The following GARIN1A variants were observed in gnomAD, a reference collection of about 807,000 sequenced individuals.
GARIN1A encodes Golgi-associated RAB2 interactor protein 1A.
chr7:128,679,542 A>G, the GARIN1A span, among the ~76,000 whole-genome samples: 3 of 152,132 alleles, frequency 2.0e-5, no homozygotes, highest in African/African-American at 7.2e-5. Flanking sequence ...AAATTTTTAC[A>G]AATATTTCCT....
chr7:128,674,379 A>C, the GARIN1A span, among the ~76,000 whole-genome samples: 2 of 151,966 alleles, frequency 1.3e-5, no homozygotes, highest in African/African-American at 4.8e-5. Context: ...CCGGCTTTGG[A>C]CTCCCAAAGT....
chr7:128,694,691 C>T, the GARIN1A span, among the ~76,000 whole-genome samples: 1 of 152,156 alleles, frequency 6.6e-6, no homozygotes, highest in South Asian at 2.1e-4. Flanking sequence ...AGAATTCAGT[C>T]CACCCAGTCC....
the GARIN1A span, among the ~76,000 whole-genome samples, chr7:128,702,809 T>G: frequency 6.6e-6 from 1 of 152,182 alleles, no homozygotes; most frequent in Non-Finnish European, 1.5e-5. Flanking sequence ...ACAAGAAATC[T>G]TTTTTAAAAA....
the GARIN1A span, chr7:128,691,349 G>A: frequency 1.3e-5 from 2 of 152,348 alleles, no homozygotes; most frequent in African/African-American, 4.8e-5. Flanking sequence ...CAGGAGATCA[G>A]AGAGGATGAG....
the GARIN1A span, among the ~76,000 whole-genome samples, chr7:128,707,216 A>ATGTGTGTG: frequency 1.9e-4 from 9 of 47,428 alleles, no homozygotes; most frequent in East Asian, 5.4e-4. Context: ...TATTGTGTGT[A>ATGTGTGTG]TGTATGTGTG....
the GARIN1A span, among the ~76,000 whole-genome samples, chr7:128,693,169 A>G: frequency 6.6e-6 from 1 of 152,248 alleles, no homozygotes; most frequent in South Asian, 2.1e-4. Context: ...TGAATTTTTA[A>G]ATTATGTCCA....
At chr7:128,681,924 T>C in the GARIN1A span, among the ~76,000 whole-genome samples, 1 of 119,940 alleles carries the variant, frequency 8.3e-6, no homozygotes, top group Non-Finnish European at 1.7e-5. Flanking sequence ...GCAGGGACCA[T>C]GCTCCCCCAG....
the GARIN1A span, among the ~76,000 whole-genome samples, chr7:128,704,737 G>A: frequency 6.6e-6 from 1 of 152,170 alleles, no homozygotes; most frequent in Non-Finnish European, 1.5e-5. Context: ...TGTAAGCAAT[G>A]GGCAGAGGCT....
the GARIN1A span, among the ~76,000 whole-genome samples, chr7:128,696,468 C>T: frequency 2.6e-5 from 4 of 152,174 alleles, no homozygotes; most frequent in African/African-American, 7.2e-5. Context: ...TCTAGTCTTT[C>T]TGTCAACACA....
At chr7:128,706,158 C>G in the GARIN1A span, among the ~76,000 whole-genome samples, 1 of 152,136 alleles carries the variant, frequency 6.6e-6, no homozygotes, top group East Asian at 1.9e-4. Context: ...AGGAGCACCT[C>G]CAGGCTGTCT....
chr7:128,671,781 T>A, the GARIN1A span, among the ~76,000 whole-genome samples: 41 of 152,074 alleles, frequency 2.7e-4, no homozygotes, highest in Non-Finnish European at 5.4e-4. Flanking sequence ...TGCCTTCTCC[T>A]TTGCCCACTG....
chr7:128,705,870 G>A, the GARIN1A span, among the ~76,000 whole-genome samples: 1 of 151,828 alleles, frequency 6.6e-6, no homozygotes, highest in Non-Finnish European at 1.5e-5. Flanking sequence ...TACCCAGGCT[G>A]GCCTCAAACT....
chr7:128,698,830 G>A, the GARIN1A span, among the ~76,000 whole-genome samples: 1 of 152,044 alleles, frequency 6.6e-6, no homozygotes, highest in East Asian at 1.9e-4. Context: ...CAAGTGATCC[G>A]CCCCCCTCAG....
the GARIN1A span, among the ~76,000 whole-genome samples, chr7:128,672,074 G>A: frequency 6.6e-6 from 1 of 152,108 alleles, no homozygotes; most frequent in Non-Finnish European, 1.5e-5. Flanking sequence ...TTTTCCATGT[G>A]GGGTAAGGCT....
chr7:128,707,458 T>G, the GARIN1A span, among the ~76,000 whole-genome samples: 1 of 152,092 alleles, frequency 6.6e-6, no homozygotes, highest in African/African-American at 2.4e-5. Context: ...TCTGCTTCTA[T>G]GAGTTTGACT....
At chr7:128,694,702 A>G in the GARIN1A span, among the ~76,000 whole-genome samples, 2 of 152,222 alleles carry the variant, frequency 1.3e-5, no homozygotes, top group African/African-American at 4.8e-5. Context: ...CACCCAGTCC[A>G]TGCATCTATA....
the GARIN1A span, chr7:128,691,278 C>G: frequency 6.6e-6 from 1 of 152,144 alleles, no homozygotes; most frequent in African/African-American, 2.4e-5. Flanking sequence ...CCAAGCTGAT[C>G]TACATCTAAG....
the GARIN1A span, chr7:128,687,126 C>T: frequency 6.6e-6 from 1 of 152,250 alleles, no homozygotes; most frequent in African/African-American, 2.4e-5. Flanking sequence ...ACATATTGCC[C>T]TCATGACACT....
the GARIN1A span, chr7:128,691,741 G>A: frequency 6.6e-6 from 1 of 152,224 alleles, no homozygotes; most frequent in Admixed American, 6.5e-5. Flanking sequence ...AGTTCTTCTT[G>A]TACCAGGTCC....
Sources: allele counts gnomAD v4.1 joint callset (sites outside exome capture counted in the v4.1 genomes callset), GRCh38; gene constraint gnomAD v4.1.1; transcripts MANE v1.5; gene names NCBI Gene and HGNC (gene_info 2026-07-23, HGNC 2026-07-21).